DCUN1D1: variants seen among roughly 807,000 people sequenced by gnomAD.
The protein encoded by DCUN1D1 is DCN1-like protein 1.
Under a neutral mutation model 39.0 loss-of-function variants are expected in DCUN1D1, and 3 were observed. The ratio of observed to expected loss-of-function variants is 0.08; its 90% CI spans 0.04 to 0.20. The LOEUF (loss-of-function observed/expected upper bound fraction) is 0.20. Among genes scored for constraint, DCUN1D1 ranks in the 10% least tolerant of loss-of-function variants. The probability of loss-of-function intolerance (pLI) is 1.00; values close to 1 mark genes in which losing one functional copy is unlikely to be tolerated. For synonymous variants in DCUN1D1, 82 were observed against 96.3 expected (o/e 0.85, Z 0.87); for missense variants, 158 against 302.4 (o/e 0.52, Z 3.54).
In DCUN1D1 at chr3:182,943,907, C is replaced by T. The variant is rs879090220; in HGVS notation, c.*1187G>A. ...TAGAAGCCAGATTGGTATTTTGCAT[C>T]GTGTATGCTTGTTTGAAAATCTTTG... On this transcript the variant is annotated 3_prime_UTR_variant, in exon 7 of 7. Transcript: ENST00000292782. The T allele has an allele frequency of 6.6e-6, 1 of 152,576 alleles. No individual in the cohort carries two copies. Among genetic ancestry groups the T allele is most frequent in the Non-Finnish European group, 1.5e-5 (1 of 68,020 alleles). 9.5% of individuals were successfully genotyped at this position (152,576 alleles called of 1,614,324 possible). A position where few individuals can be genotyped will look rare whatever the true frequency, so the allele number is the denominator to read the frequency against.
intron 4 of DCUN1D1, among the ~76,000 whole-genome samples, chr3:182,952,912 C>G (rs6789931): frequency 0.018 from 2,709 of 152,322 alleles, 95 homozygotes; most frequent in African/African-American, 0.063. Flanking sequence ...TTTCAAAGGA[C>G]CACAGTGCTT....
At chr3:182,984,653 G>T (rs1728668714), upstream of DCUN1D1, among the ~76,000 whole-genome samples, 1 of 151,776 alleles carries the variant, frequency 6.6e-6, no homozygotes, top group South Asian at 2.1e-4. Context: ...CTAAAACGAT[G>T]AAAAAATTAA....
In DCUN1D1 at chr3:182,977,127, T is replaced by C. The variant is rs974940941; in HGVS notation, c.3+3360A>G. Among the ~76,000 whole-genome samples the C allele has an allele frequency of 3.9e-5, 6 of 152,362 alleles. 1 individual carries two copies. Among genetic ancestry groups the C allele is most frequent in the Admixed American group, 2.6e-4 (4 of 15,300 alleles). On this transcript the variant is annotated intron_variant, in intron 1 of 6. Transcript: ENST00000292782. Reference sequence around the variant, plus strand: ...GATGGATATGATTTAATTTCAAATGTAATTTTCTGGATTTCATATGAGTTA... The same window carrying C: ...GATGGATATGATTTAATTTCAAATGCAATTTTCTGGATTTCATATGAGTTA...
upstream of DCUN1D1, chr3:182,980,587 G>A: frequency 8.8e-7 from 1 of 1,136,374 alleles, no homozygotes; most frequent in Non-Finnish European, 1.1e-6. Context: ...CCCGGCTCCC[G>A]CTCATGCGCA....
intron 3 of DCUN1D1, among the ~76,000 whole-genome samples, chr3:182,961,786 A>T (rs1727411829): frequency 6.6e-6 from 1 of 152,230 alleles, no homozygotes; most frequent in Non-Finnish European, 1.5e-5. Flanking sequence ...ATGAGGAAAC[A>T]TTCCTTCTGA....
rs1726466384 is a variant in DCUN1D1, at chr3:182,947,354, A to C, written c.604-20T>G. 6.6e-7 allele frequency: 1 copy of C among 1,509,394 alleles called. No individual in the cohort carries two copies. The highest frequency in any genetic ancestry group is 1.4e-5 in the African/African-American group (1 of 71,854). 93.5% of individuals were successfully genotyped at this position (1,509,394 alleles called of 1,614,324 possible). On this transcript the variant is annotated intron_variant, in intron 5 of 6. Coordinates refer to ENST00000292782, the MANE Select transcript of DCUN1D1 (RefSeq NM_020640.4). ...ATGTTCCTATTTAAAAAACAAAAAC[A>C]AAATACATTTGTATCACTAAAAAGA...
Position 182,953,847 on chromosome 3 carries a change from G to A in DCUN1D1, c.521-6215C>T, listed in dbSNP as rs76534310. 2.5e-3 allele frequency among the ~76,000 whole-genome samples: 382 copies of A among 152,278 alleles called. 1 individual carries two copies. Among genetic ancestry groups the A allele is most frequent in the Non-Finnish European group, 4.3e-3 (295 of 68,008 alleles). On this transcript the variant is annotated intron_variant, in intron 4 of 6. Coordinates refer to ENST00000292782, the MANE Select transcript of DCUN1D1 (RefSeq NM_020640.4). ...CAGAATAAATCCTTAAGTCCTTACG[G>A]TAAAATGTAAAATGCAAACAGAGAT...
intron 4 of DCUN1D1, among the ~76,000 whole-genome samples, chr3:182,957,203 G>A (rs1727118843): frequency 1.3e-5 from 2 of 152,250 alleles, no homozygotes; most frequent in African/African-American, 4.8e-5. Context: ...CTAAAACAAT[G>A]TGTGTCCAGT....
chr3:182,950,557 G>T (rs955064752), intron 4 of DCUN1D1, among the ~76,000 whole-genome samples: 1 of 151,858 alleles, frequency 6.6e-6, no homozygotes, highest in Non-Finnish European at 1.5e-5. Flanking sequence ...TCACTCTGTA[G>T]CTCTCTTGGA....
intron 1 of DCUN1D1, among the ~76,000 whole-genome samples, chr3:182,979,790 C>T (rs1728431564): frequency 6.6e-6 from 1 of 152,052 alleles, no homozygotes; most frequent in African/African-American, 2.4e-5. Flanking sequence ...ACTTCCGTAC[C>T]CCCTCCCCCA....
At chr3:182,961,484 A>C (rs753239851) in intron 3 of DCUN1D1, 128 bp from the exon 4 acceptor site, 3 of 886,170 alleles carry the variant, frequency 3.4e-6, no homozygotes, top group Non-Finnish European at 5.2e-6. Context: ...GTTCGAATTC[A>C]GTCTTTTTAT....
chr3:182,962,872 C>G (rs1190282674), intron 3 of DCUN1D1, among the ~76,000 whole-genome samples: 11 of 152,132 alleles, frequency 7.2e-5, no homozygotes. Flanking sequence ...CCTCCGCCTC[C>G]CGGGTTCAAG....
chr3:182,946,556 CAAAAAAAAAAA>C (rs71185614), intron 6 of DCUN1D1, among the ~76,000 whole-genome samples: 1 of 61,562 alleles, frequency 1.6e-5, no homozygotes, highest in Non-Finnish European at 2.7e-5. Flanking sequence ...GACTCCATCT[CAAAAAAAAAAA>C]AAAAAAAAAA....
rs1726253774 is a variant in DCUN1D1 at position 182,943,730 on chromosome 3, TCTTC to T, written c.*1360_*1363del. The T allele has an allele frequency of 6.5e-6, 1 of 152,676 alleles. No homozygotes were observed. The highest frequency in any genetic ancestry group is 1.9e-4 in the East Asian group (1 of 5,186). The allele number at this position is 152,676 out of a possible 1,614,324, so 9.5% of individuals were successfully genotyped here. A position where few individuals can be genotyped will look rare whatever the true frequency, so the allele number is the denominator to read the frequency against. The stretch of plus-strand genomic sequence containing the variant: ...AATGTTTAAGAAAGCAAGAAACCCT[TCTTC>T]ACATGTCAGTAAGTGAACAGGGAAA... On this transcript the variant is annotated 3_prime_UTR_variant, in exon 7 of 7. Coordinates refer to ENST00000292782, the MANE Select transcript of DCUN1D1 (RefSeq NM_020640.4).
intron 1 of DCUN1D1, among the ~76,000 whole-genome samples, chr3:182,977,041 T>C (rs1728272729): frequency 6.6e-6 from 1 of 152,242 alleles, no homozygotes; most frequent in Non-Finnish European, 1.5e-5. Context: ...TGATCACCCA[T>C]TAATATGAAT....
chr3:182,973,662 C>G (rs1456527124), intron 1 of DCUN1D1, among the ~76,000 whole-genome samples: 1 of 152,016 alleles, frequency 6.6e-6, no homozygotes, highest in Non-Finnish European at 1.5e-5. Flanking sequence ...CAAAAATTAG[C>G]TGGGCATGGT....
intron 6 of DCUN1D1, among the ~76,000 whole-genome samples, chr3:182,946,393 T>C (rs967425360): frequency 1.3e-5 from 2 of 151,580 alleles, no homozygotes; most frequent in Non-Finnish European, 2.9e-5. Flanking sequence ...CCGTCTCTAC[T>C]AAAAATACAA....
chr3:182,971,835 T>C (rs59479418), intron 1 of DCUN1D1, among the ~76,000 whole-genome samples: 96 of 152,282 alleles, frequency 6.3e-4, no homozygotes, highest in African/African-American at 2.2e-3. Flanking sequence ...CGCCATTTAC[T>C]ACATACTGTC....
In DCUN1D1 at chr3:182,944,998, G is replaced by A. The variant is rs1261919972; in HGVS notation, c.*96C>T. 3 of 1,014,344 alleles carry A rather than the reference G, an allele frequency of 3.0e-6. No individual in the cohort carries two copies. The highest frequency in any genetic ancestry group is 4.5e-6 in the Non-Finnish European group (3 of 660,548). The allele number at this position is 1,014,344 out of a possible 1,614,324, so 62.8% of individuals were successfully genotyped here. On this transcript the variant is annotated 3_prime_UTR_variant, in exon 7 of 7. Coordinates refer to ENST00000292782, the MANE Select transcript of DCUN1D1 (RefSeq NM_020640.4). Reference sequence around the variant, plus strand: ...ACCCTCAGTCTGAATTGTGAGGATTGATCTTCAGTTCAGTCCAGCCAGCAG... The same window carrying A: ...ACCCTCAGTCTGAATTGTGAGGATTAATCTTCAGTTCAGTCCAGCCAGCAG...
Sources: gnomAD v4.1 joint callset for allele counts (sites outside exome capture counted in the v4.1 genomes callset) on GRCh38, gnomAD v4.1.1 for gene constraint, MANE v1.5 for transcripts, NCBI Gene and HGNC (gene_info 2026-07-23, HGNC 2026-07-21) for gene names.